Variants in MAVS observed in about 807,000 individuals in gnomAD.
The protein encoded by MAVS is mitochondrial antiviral signaling protein.
In MAVS, 20 loss-of-function variants were observed where a neutral mutation model predicts 30.2. The observed-to-expected ratio is 0.66, with a 90% CI of 0.47 to 0.96. The LOEUF (loss-of-function observed/expected upper bound fraction) is 0.96. Ranked by LOEUF, MAVS falls within the 40% of genes least tolerant of loss-of-function variation. MAVS has a pLI of 0.00. For synonymous variants in MAVS, 278 were observed against 293.9 expected, an observed-to-expected ratio of 0.95 and a Z score of 0.55; for missense variants, 624 against 701.1, an observed-to-expected ratio of 0.89 and a Z score of 1.24.
intron 1 of MAVS, among the ~76,000 whole-genome samples, chr20:3,848,657 T>C (rs904876636): frequency 2.0e-5 from 3 of 152,190 alleles, no homozygotes; most frequent in Non-Finnish European, 4.4e-5. Flanking sequence ...CACTGCCTCC[T>C]GAGAGAGGTC....
intron 2 of MAVS, 64 bp downstream of exon 2, chr20:3,854,805 GC>G (rs1420532267): frequency 2.9e-5 from 35 of 1,190,190 alleles, no homozygotes; most frequent in Non-Finnish European, 4.3e-5. Context: ...TCAAAGCTCA[GC>G]CCCATCCTAG....
chr20:3,874,252 G>A lies in MAVS; in HGVS notation c.*8105G>A, dbSNP rs538479789. 70 of 398,584 alleles carry A rather than the reference G, an allele frequency of 1.8e-4. No individual in the cohort carries two copies. Among genetic ancestry groups the A allele is most frequent in the African/African-American group, 1.4e-3 (66 of 48,750 alleles). 24.7% of individuals were successfully genotyped at this position (398,584 alleles called of 1,614,324 possible). On this transcript the variant is annotated 3_prime_UTR_variant, in exon 7 of 7. Coordinates refer to ENST00000428216, the MANE Select transcript of MAVS (RefSeq NM_020746.5). ...GCAAAACTGATCCATGGTGTTAGAA[G>A]CCAGGGGAACAGTTAACAGGGGAGG...
intron 3 of MAVS, 155 bp downstream of exon 3, chr20:3,857,964 C>A: frequency 1.2e-6 from 1 of 820,042 alleles, no homozygotes; most frequent in Non-Finnish European, 2.0e-6. Flanking sequence ...CAGGCTGAGC[C>A]ACTTACCAGC....
intron 3 of MAVS, chr20:3,858,038 G>A: frequency 1.7e-6 from 1 of 577,052 alleles, no homozygotes; most frequent in South Asian, 1.9e-5. Flanking sequence ...GTAAAATGAA[G>A]CTCATGGCAG....
intron 1 of MAVS, among the ~76,000 whole-genome samples, chr20:3,848,025 A>C (rs1159339268): frequency 6.6e-6 from 1 of 152,114 alleles, no homozygotes; most frequent in Non-Finnish European, 1.5e-5. Context: ...TCTGTGGCTG[A>C]AGCTGGAATG....
At chr20:3,848,355 T>TC (rs2089727808) in intron 1 of MAVS, among the ~76,000 whole-genome samples, 2 of 152,174 alleles carry the variant, frequency 1.3e-5, no homozygotes, top group Non-Finnish European at 2.9e-5. Flanking sequence ...TGCCTCGGCC[T>TC]CCCAAAGTGC....
chr20:3,869,938 C>CAT lies in MAVS; in HGVS notation c.*3791_*3792insAT, dbSNP rs2089941404. 6.6e-6 allele frequency: 1 copy of CAT among 152,286 alleles called. No homozygotes were observed. Among genetic ancestry groups the CAT allele is most frequent in the African/African-American group, 2.4e-5 (1 of 41,452 alleles). The allele number at this position is 152,286 out of a possible 1,614,324, so 9.4% of individuals were successfully genotyped here. A position where few individuals can be genotyped will look rare whatever the true frequency, so the allele number is the denominator to read the frequency against. On this transcript the variant is annotated 3_prime_UTR_variant, in exon 7 of 7. Transcript: ENST00000428216. ...ACTTTTCAAATGATGCCGCTCAAAG[C>CAT]CGTGACTTGGCCTACTTTGAACAGC...
In MAVS at chr20:3,864,444, G is replaced by A. The variant is rs763338451; in HGVS notation, c.814G>A (p.Gly272Ser). 3.7e-6 allele frequency: 6 copies of A among 1,613,836 alleles called. No individual in the cohort carries two copies. The African/African-American group carries it at 5.3e-5, about 14-fold the overall frequency. The change falls in exon 6 of 7, where the codon GGT (glycine) becomes AGT (serine). Residue 272 changes from glycine to serine, a missense_variant. By Grantham distance (56) the Gly-to-Ser change is moderately conservative. Transcript: ENST00000428216. ...ASAGAAEGKQ[G>S]AESDQAEPII... ...TGCAGGGGCTGCAGAGGGTAAACAG[G>A]GTGCAGAGAGTGACCAGGCCGAGCC...
chr20:3,853,711 T>C (rs2146759777), intron 1 of MAVS, among the ~76,000 whole-genome samples: 1 of 152,166 alleles, frequency 6.6e-6, no homozygotes, highest in South Asian at 2.1e-4. Flanking sequence ...GGAGGATTGC[T>C]TGAGCCCACG....
At chr20:3,859,264 T>G (rs985687246) in intron 3 of MAVS, among the ~76,000 whole-genome samples, 1 of 151,848 alleles carries the variant, frequency 6.6e-6, no homozygotes, top group Non-Finnish European at 1.5e-5. Flanking sequence ...TCCCAGCACT[T>G]TGGGAGGCCG....
Position 3,866,561 on chromosome 20 carries a change from C to T in MAVS, c.*414C>T, listed in dbSNP as rs746082110. ...GCATTGGTCCCTGAAGGCCTCAGGG[C>T]AGGTATGTGGTGTGTGGGCGACTCC... is the stretch of plus-strand genomic sequence containing the variant. On this transcript the variant is annotated 3_prime_UTR_variant, in exon 7 of 7. Transcript: ENST00000428216. 2.9e-6 allele frequency: 1 copy of T among 342,950 alleles called. No homozygotes were observed. The highest frequency in any genetic ancestry group is 5.6e-6 in the Non-Finnish European group (1 of 177,228). 21.2% of individuals were successfully genotyped at this position (342,950 alleles called of 1,614,324 possible).
At position 3,873,502 on chromosome 20, in the gene MAVS, C is replaced by G. The variant is rs2089970014; in HGVS notation, c.*7355C>G. On this transcript the variant is annotated 3_prime_UTR_variant, in exon 7 of 7. Transcript: ENST00000428216. The stretch of plus-strand genomic sequence containing the variant: ...TGAGCCGAGATCGTGCCACTGCACT[C>G]CAGCCTGGGTGACAGAGCGAGACTC... 1 of 152,180 alleles carries G rather than the reference C, an allele frequency of 6.6e-6. No homozygotes were observed. The highest frequency in any genetic ancestry group is 1.5e-5 in the Non-Finnish European group (1 of 68,166). 9.4% of individuals were successfully genotyped at this position (152,180 alleles called of 1,614,324 possible).
intron 2 of MAVS, among the ~76,000 whole-genome samples, chr20:3,856,980 A>G (rs1176390528): frequency 4.0e-5 from 6 of 151,286 alleles, no homozygotes; most frequent in Non-Finnish European, 7.4e-5. Flanking sequence ...AGGTTGCAGT[A>G]AGCTGATATC....
Position 3,870,542 on chromosome 20 carries a change from G to C in MAVS, c.*4395G>C, listed in dbSNP as rs1050329637. ...AGGTTGGATGTGGTGGCTTGTGCCT[G>C]TAATCCCAGCATTTTGGGAAGCCGA... On this transcript the variant is annotated 3_prime_UTR_variant, in exon 7 of 7. Transcript: ENST00000428216. 1 of 146,770 alleles carries C rather than the reference G, an allele frequency of 6.8e-6. No homozygotes were observed. Among genetic ancestry groups the C allele is most frequent in the Non-Finnish European group, 1.5e-5 (1 of 67,158 alleles). The allele number at this position is 146,770 out of a possible 1,614,324, so 9.1% of individuals were successfully genotyped here.
At chr20:3,855,854 C>G (rs1477416153) in intron 2 of MAVS, among the ~76,000 whole-genome samples, 1 of 152,132 alleles carries the variant, frequency 6.6e-6, no homozygotes, top group African/African-American at 2.4e-5. Context: ...TCTCAGCTCA[C>G]TGCAACCTCT....
intron 1 of MAVS, among the ~76,000 whole-genome samples, chr20:3,848,777 G>C (rs1190078058): frequency 6.6e-6 from 1 of 152,162 alleles, no homozygotes; most frequent in Non-Finnish European, 1.5e-5. Flanking sequence ...CTGAGTTCTG[G>C]AGTCCCTTCT....
rs1415576367 is a variant in MAVS at position 3,866,688 on chromosome 20, G to A, written c.*541G>A. 5.6e-6 allele frequency: 2 copies of A among 358,534 alleles called. No homozygotes were observed. Among genetic ancestry groups the A allele is most frequent in the Non-Finnish European group, 1.1e-5 (2 of 181,830 alleles). The allele number at this position is 358,534 out of a possible 1,614,324, so 22.2% of individuals were successfully genotyped here. ...CTCTCCAGGAGCCCAACTGCCTTGAGTTCCTGCCCCACTGGGCCCCCTCCC... is the reference window on the plus strand; with the variant it reads ...CTCTCCAGGAGCCCAACTGCCTTGAATTCCTGCCCCACTGGGCCCCCTCCC... On this transcript the variant is annotated 3_prime_UTR_variant, in exon 7 of 7. Transcript: ENST00000428216.
chr20:3,869,401 C>G lies in MAVS; in HGVS notation c.*3254C>G, dbSNP rs1301012714. On this transcript the variant is annotated 3_prime_UTR_variant, in exon 7 of 7. Coordinates refer to ENST00000428216, the MANE Select transcript of MAVS (RefSeq NM_020746.5). ...TGTTAGCCAGGATGGTCTCGATCTC[C>G]TGACCTTGTGATCCGCCCGCCTCGG... The G allele has an allele frequency of 6.6e-6, 1 of 151,928 alleles. No individual in the cohort carries two copies. Among genetic ancestry groups the G allele is most frequent in the African/African-American group, 2.4e-5 (1 of 41,350 alleles). The allele number at this position is 151,928 out of a possible 1,614,324, so 9.4% of individuals were successfully genotyped here.
intron 5 of MAVS, 131 bp from the exon 6 acceptor site, chr20:3,864,125 C>A: frequency 9.5e-7 from 1 of 1,051,746 alleles, no homozygotes; most frequent in Non-Finnish European, 1.4e-6. Flanking sequence ...GTGGCATCTC[C>A]TCCAAGGGCA....
Sources: allele counts gnomAD v4.1 joint callset (sites outside exome capture counted in the v4.1 genomes callset), GRCh38; gene constraint gnomAD v4.1.1; transcripts MANE v1.5; gene names NCBI Gene and HGNC (gene_info 2026-07-23, HGNC 2026-07-21).